Variants in SNX13 observed in about 807,000 individuals in gnomAD.
SNX13 encodes the protein sorting nexin 13.
A neutral mutation model predicts 133.6 loss-of-function variants in SNX13; 45 were observed. The observed-to-expected ratio is 0.34, with a 90% CI of 0.27 to 0.43. The LOEUF (loss-of-function observed/expected upper bound fraction) is 0.43. SNX13 is among the 20% of genes least tolerant of loss of function. SNX13 has a pLI of 1.00. For synonymous variants in SNX13, 414 were observed against 373.9 expected (o/e 1.11, Z -1.24); for missense variants, 1,032 against 1,145.1 (o/e 0.90, Z 1.43).
chr7:17,873,986 T>C (rs1333522824), intron 7 of SNX13, among the ~76,000 whole-genome samples: 3 of 152,204 alleles, frequency 2.0e-5, no homozygotes, highest in African/African-American at 7.2e-5. Flanking sequence ...AACATAGCTG[T>C]AATTCTTCTT....
chr7:17,798,536 T>A (rs778323732), intron 24 of SNX13, among the ~76,000 whole-genome samples, 154 bp downstream of exon 24: 1 of 151,896 alleles, frequency 6.6e-6, no homozygotes, highest in Non-Finnish European at 1.5e-5. Context: ...ATAAGACAAA[T>A]GTTTAGTATA....
intron 1 of SNX13, among the ~76,000 whole-genome samples, chr7:17,925,993 T>C (rs1260132635): frequency 6.6e-6 from 1 of 152,242 alleles, no homozygotes; most frequent in Admixed American, 6.5e-5. Context: ...GTTGTGGTTA[T>C]AGGTATTTTT....
intron 20 of SNX13, among the ~76,000 whole-genome samples, chr7:17,808,099 A>G (rs1377830551): frequency 6.6e-6 from 1 of 152,232 alleles, no homozygotes. Context: ...AACTGGATGG[A>G]GAATGAGATT....
At chr7:17,821,856 T>C (rs1212016505) in intron 17 of SNX13, among the ~76,000 whole-genome samples, 1 of 152,124 alleles carries the variant, frequency 6.6e-6, no homozygotes, top group Non-Finnish European at 1.5e-5. Flanking sequence ...AGGTATTACA[T>C]ATAATGGCTA....
intron 1 of SNX13, among the ~76,000 whole-genome samples, chr7:17,915,028 T>C (rs572374924): frequency 2.6e-4 from 40 of 152,266 alleles, no homozygotes; most frequent in African/African-American, 8.9e-4. Context: ...TGAAGAAGGA[T>C]CTATCACACA....
At chr7:17,893,462 TA>T (rs1796855105) in intron 2 of SNX13, 28 bp from the exon 3 acceptor site, 1 of 1,365,408 alleles carries the variant, frequency 7.3e-7, no homozygotes. Flanking sequence ...ATCACAAATA[TA>T]AAAACAAAAT....
intron 1 of SNX13, among the ~76,000 whole-genome samples, chr7:17,918,449 T>A (rs1562523333): frequency 1.3e-5 from 2 of 149,554 alleles, no homozygotes; most frequent in Non-Finnish European, 3.0e-5. Flanking sequence ...AAAAAAAAAA[T>A]TTAAAAATGG....
chr7:17,851,040 C>T, intron 9 of SNX13, 76 bp from the exon 10 acceptor site: 1 of 1,456,376 alleles, frequency 6.9e-7, no homozygotes, highest in Non-Finnish European at 9.3e-7. Context: ...TGAGTGCCTA[C>T]TATGTGCTAG....
At chr7:17,851,328 C>T (rs534062489) in intron 9 of SNX13, among the ~76,000 whole-genome samples, 5 of 152,068 alleles carry the variant, frequency 3.3e-5, no homozygotes, top group Non-Finnish European at 7.4e-5. Context: ...CACTCTGAAG[C>T]AAGTCAGAAG....
intron 1 of SNX13, among the ~76,000 whole-genome samples, chr7:17,924,899 T>C (rs1385525609): frequency 6.6e-6 from 1 of 152,072 alleles, no homozygotes; most frequent in Non-Finnish European, 1.5e-5. Context: ...ACGCCACTCA[T>C]ATAACATGTT....
At chr7:17,874,558 A>T (rs1243932020) in intron 7 of SNX13, among the ~76,000 whole-genome samples, 1 of 152,216 alleles carries the variant, frequency 6.6e-6, no homozygotes, top group East Asian at 1.9e-4. Context: ...ATAAACATAA[A>T]AAGAAAAGGC....
At chr7:17,809,534 C>G (rs1370461209) in intron 20 of SNX13, among the ~76,000 whole-genome samples, 1 of 152,084 alleles carries the variant, frequency 6.6e-6, no homozygotes, top group Admixed American at 6.5e-5. Context: ...GACTTTAACA[C>G]CCTACTGTCA....
intron 1 of SNX13, among the ~76,000 whole-genome samples, chr7:17,912,142 C>G (rs1254837418): frequency 6.6e-6 from 1 of 152,110 alleles, no homozygotes; most frequent in Non-Finnish European, 1.5e-5. Context: ...AAAGAACACC[C>G]CAGAACCCAG....
intron 5 of SNX13, chr7:17,880,806 T>G (rs1012775838): frequency 4.6e-5 from 7 of 152,216 alleles, no homozygotes; most frequent in Admixed American, 3.3e-4. Context: ...GACTATAGAT[T>G]AAGGAATATG....
At chr7:17,863,902 T>G (rs1793052417) in intron 9 of SNX13, among the ~76,000 whole-genome samples, 1 of 152,202 alleles carries the variant, frequency 6.6e-6, no homozygotes, top group Non-Finnish European at 1.5e-5. Flanking sequence ...TTCTCCTTTA[T>G]CTTACTGAAG....
chr7:17,794,330 A>T (rs769460041), intron 25 of SNX13, 38 bp from the exon 26 acceptor site: 9 of 1,579,834 alleles, frequency 5.7e-6, no homozygotes, highest in Non-Finnish European at 7.7e-6. Flanking sequence ...AATTATTCAA[A>T]GGAAACACAA....
chr7:17,817,955 G>T (rs1247997678), intron 18 of SNX13, among the ~76,000 whole-genome samples: 1 of 152,294 alleles, frequency 6.6e-6, no homozygotes, highest in East Asian at 1.9e-4. Flanking sequence ...TGAATTGAGA[G>T]ATAAAGCCCC....
intron 25 of SNX13, chr7:17,795,525 C>G (rs1783951663): frequency 6.6e-6 from 1 of 151,710 alleles, no homozygotes; most frequent in East Asian, 1.9e-4. Flanking sequence ...TCTAAAACTG[C>G]AACTCATCTG....
chr7:17,842,642 A>G (rs1344226768), intron 12 of SNX13, among the ~76,000 whole-genome samples: 1 of 152,094 alleles, frequency 6.6e-6, no homozygotes, highest in Admixed American at 6.6e-5. Context: ...TTTAAAAAAA[A>G]TCAACTATCA....
Sources: allele counts gnomAD v4.1 joint callset (sites outside exome capture counted in the v4.1 genomes callset), GRCh38; gene constraint gnomAD v4.1.1; transcripts MANE v1.5; gene names NCBI Gene and HGNC (gene_info 2026-07-23, HGNC 2026-07-21).